Variants in CALN1 observed in about 807,000 individuals in gnomAD.
CALN1 encodes the protein calcium-binding protein 8.
A neutral mutation model predicts 30.6 loss-of-function variants in CALN1; 17 were observed. The ratio of observed to expected loss-of-function variants is 0.56; its 90% CI spans 0.38 to 0.83. The LOEUF (loss-of-function observed/expected upper bound fraction) is 0.83. Ranked by LOEUF, CALN1 falls within the 40% of genes least tolerant of loss-of-function variation. CALN1 has a pLI of 0.00. For synonymous variants in CALN1, 156 were observed against 131.4 expected, an observed-to-expected ratio of 1.19 and a Z score of -1.28; for missense variants, 291 against 354.9, an observed-to-expected ratio of 0.82 and a Z score of 1.45.
upstream of CALN1, among the ~76,000 whole-genome samples, chr7:72,451,410 G>T (rs1365660992): frequency 1.5e-5 from 2 of 137,720 alleles, no homozygotes; most frequent in Non-Finnish European, 3.1e-5. Context: ...GGAAGGGGGA[G>T]TAGGAGGGGG....
At chr7:72,092,301 C>T (rs1446901092) in intron 4 of CALN1, among the ~76,000 whole-genome samples, 1 of 151,918 alleles carries the variant, frequency 6.6e-6, no homozygotes, top group Non-Finnish European at 1.5e-5. Context: ...AAAGAATGTG[C>T]CTATATTACT....
intron 2 of CALN1, among the ~76,000 whole-genome samples, chr7:72,400,674 A>G (rs1459536653): frequency 6.6e-6 from 1 of 152,218 alleles, no homozygotes. Flanking sequence ...GTTTGAGACC[A>G]GCCTGGTCAA....
chr7:71,968,504 A>G (rs1011189198), intron 5 of CALN1, among the ~76,000 whole-genome samples: 2 of 151,842 alleles, frequency 1.3e-5, no homozygotes, highest in Non-Finnish European at 2.9e-5. Context: ...AATGTTGGCT[A>G]ACTGCACCCT....
At chr7:72,402,060 C>A (rs371416151) in intron 2 of CALN1, among the ~76,000 whole-genome samples, 6 of 152,316 alleles carry the variant, frequency 3.9e-5, no homozygotes, top group South Asian at 2.1e-4. Context: ...CTCTAGCCAA[C>A]CTTCCTTGCT....
rs1012122617 is a variant in CALN1 at position 71,781,223 on chromosome 7, G to A, written c.*6552C>T. 1 of 152,170 alleles carries A rather than the reference G, an allele frequency of 6.6e-6. No individual in the cohort carries two copies. The highest frequency in any genetic ancestry group is 2.4e-5 in the African/African-American group (1 of 41,438). 9.4% of individuals were successfully genotyped at this position (152,170 alleles called of 1,614,324 possible). A position where few individuals can be genotyped will look rare whatever the true frequency, so the allele number is the denominator to read the frequency against. ...TGGCTTTAGAGAAACCTGAAGCCAGGGAGGAATGTCACTCAACATAACCTA... is the reference window on the plus strand; with the variant it reads ...TGGCTTTAGAGAAACCTGAAGCCAGAGAGGAATGTCACTCAACATAACCTA... On this transcript the variant is annotated 3_prime_UTR_variant, in exon 7 of 7. Coordinates refer to ENST00000395275, the MANE Select transcript of CALN1 (RefSeq NM_031468.4).
intron 5 of CALN1, among the ~76,000 whole-genome samples, chr7:71,930,745 C>T (rs754759182): frequency 6.6e-6 from 1 of 152,150 alleles, no homozygotes; most frequent in Non-Finnish European, 1.5e-5. Context: ...CATTCTCTCG[C>T]GTGTGTGTAT....
chr7:72,273,061 T>TGC (rs1797102106), intron 3 of CALN1, among the ~76,000 whole-genome samples: 1 of 150,684 alleles, frequency 6.6e-6, no homozygotes, highest in Non-Finnish European at 1.5e-5. Context: ...CCCCCACCTC[T>TGC]GCCCAGAGCC....
rs866476769 is a variant in CALN1 at position 72,307,111 on chromosome 7, G to T, written c.120-28301C>A. ...CTTCTGTTTTTGGTTTTTGCTTTTT[G>T]TAATTTTTTTTAAACTCAAATTAGC... On this transcript the variant is annotated intron_variant, in intron 2 of 6. Transcript: ENST00000395275. 3.2e-4 allele frequency among the ~76,000 whole-genome samples: 49 copies of T among 152,258 alleles called. No homozygotes were observed. In the Middle Eastern group the frequency reaches 0.017, roughly 53 times the overall value.
intron 5 of CALN1, among the ~76,000 whole-genome samples, chr7:71,824,324 G>A (rs1788783983): frequency 6.6e-6 from 1 of 152,116 alleles, no homozygotes; most frequent in Non-Finnish European, 1.5e-5. Context: ...TCCAGGAGAA[G>A]GCCAGGAGGA....
chr7:72,062,653 G>A (rs1474057905), intron 4 of CALN1, among the ~76,000 whole-genome samples: 1 of 151,876 alleles, frequency 6.6e-6, no homozygotes, highest in African/African-American at 2.4e-5. Context: ...TTCTATGGTT[G>A]AAAACAAAAA....
chr7:72,164,784 C>G (rs1308296171), intron 3 of CALN1, among the ~76,000 whole-genome samples: 2 of 152,318 alleles, frequency 1.3e-5, no homozygotes, highest in Non-Finnish European at 2.9e-5. Flanking sequence ...CCACCTCAGC[C>G]TCCTGAGCAG....
chr7:71,986,019 T>A (rs1798653055), intron 5 of CALN1, among the ~76,000 whole-genome samples: 1 of 152,022 alleles, frequency 6.6e-6, no homozygotes, highest in Non-Finnish European at 1.5e-5. Context: ...TTTAAAATAA[T>A]CTATATTGAC....
At chr7:72,457,532 C>T in the CALN1 span, among the ~76,000 whole-genome samples, 4 of 152,118 alleles carry the variant, frequency 2.6e-5, no homozygotes, top group Non-Finnish European at 5.9e-5. Flanking sequence ...CTAGTGAACT[C>T]CTACATATCC....
intron 4 of CALN1, among the ~76,000 whole-genome samples, chr7:72,090,599 A>T (rs986726783): frequency 9.2e-5 from 14 of 152,234 alleles, no homozygotes; most frequent in African/African-American, 2.9e-4. Flanking sequence ...AAAAACCCAC[A>T]AAAACATCAA....
In CALN1 at chr7:72,226,081, C is replaced by T. The variant is rs549372431; in HGVS notation, c.244+52605G>A. On this transcript the variant is annotated intron_variant, in intron 3 of 6. Transcript: ENST00000395275. ...ACTGCACTCCAGCCTGGTGACAGAG[C>T]GAGACTCCACCCAAAAAAAAAAAAA... Among the ~76,000 whole-genome samples the T allele has an allele frequency of 1.7e-4, 21 of 123,130 alleles. No homozygotes were observed. In the South Asian group the frequency reaches 6.2e-3, roughly 36 times the overall value. 80.8% of individuals were successfully genotyped at this position (123,130 alleles called of 152,430 possible).
chr7:71,974,351 G>T (rs903988012), intron 5 of CALN1, among the ~76,000 whole-genome samples: 1 of 140,218 alleles, frequency 7.1e-6, no homozygotes, highest in Non-Finnish European at 1.5e-5. Flanking sequence ...TCGGGAGGGG[G>T]AAGTTGCAGG....
At chr7:72,124,582 T>G (rs1375449705) in intron 3 of CALN1, among the ~76,000 whole-genome samples, 2 of 151,912 alleles carry the variant, frequency 1.3e-5, no homozygotes, top group Admixed American at 6.6e-5. Context: ...AGCCCAGAAG[T>G]TTGAGGCTGC....
chr7:71,816,110 T>A (rs2116267517), intron 5 of CALN1, among the ~76,000 whole-genome samples: 1 of 151,882 alleles, frequency 6.6e-6, no homozygotes, highest in African/African-American at 2.4e-5. Context: ...CCTCAAGCCA[T>A]CCTCCTGCCT....
At chr7:72,092,137 T>A (rs553881960) in intron 4 of CALN1, among the ~76,000 whole-genome samples, 1 of 152,350 alleles carries the variant, frequency 6.6e-6, no homozygotes, top group Admixed American at 6.5e-5. Context: ...ATATGCTATC[T>A]TTGTGAATTT....
Sources: gnomAD v4.1 joint callset for allele counts (sites outside exome capture counted in the v4.1 genomes callset) on GRCh38, gnomAD v4.1.1 for gene constraint, MANE v1.5 for transcripts, NCBI Gene and HGNC (gene_info 2026-07-23, HGNC 2026-07-21) for gene names.